Variants in MRPS18B observed in about 807,000 individuals in gnomAD.
MRPS18B encodes small ribosomal subunit protein mS40.
Under a neutral mutation model 28.4 loss-of-function variants are expected in MRPS18B, and 27 were observed. The observed-to-expected ratio is 0.95, with a 90% CI of 0.70 to 1.31. The LOEUF (loss-of-function observed/expected upper bound fraction) is 1.31. MRPS18B is among the 40% of genes most tolerant of loss of function. MRPS18B has a pLI of 0.00. For synonymous variants in MRPS18B, 118 were observed against 123.7 expected, an observed-to-expected ratio of 0.95 and a Z score of 0.30; for missense variants, 343 against 335.9, an observed-to-expected ratio of 1.02 and a Z score of -0.17.
At chr6:30,624,847 T>C in intron 5 of MRPS18B, 36 bp from the exon 6 acceptor site, 1 of 1,608,728 alleles carries the variant, frequency 6.2e-7, no homozygotes, top group Non-Finnish European at 8.5e-7. Flanking sequence ...TATTATTTAC[T>C]GTGCCTTAAA....
At chr6:30,622,493 C>T (rs767518505) in intron 4 of MRPS18B, among the ~76,000 whole-genome samples, 2 of 128,102 alleles carry the variant, frequency 1.6e-5, no homozygotes, top group Admixed American at 9.8e-5. Flanking sequence ...ACCTGGGAGG[C>T]GGAGGTTGTG....
intron 5 of MRPS18B, 97 bp downstream of exon 5, chr6:30,622,995 T>TA: frequency 8.0e-7 from 1 of 1,243,376 alleles, no homozygotes; most frequent in Non-Finnish European, 1.2e-6. Context: ...GGCTCCTGCT[T>TA]ATAGCCTAAA....
intron 1 of MRPS18B, chr6:30,618,431 C>CTT (rs1191498881): frequency 2.8e-4 from 47 of 167,604 alleles, no homozygotes; most frequent in Non-Finnish European, 5.3e-4. Flanking sequence ...TCAATAAGGT[C>CTT]AGGATATATT....
At chr6:30,620,332 T>A (rs1318595554) in intron 4 of MRPS18B, among the ~76,000 whole-genome samples, 1 of 151,008 alleles carries the variant, frequency 6.6e-6, no homozygotes, top group Non-Finnish European at 1.5e-5. Flanking sequence ...AAAAATAAAA[T>A]AAAATAAAAA....
rs779798980 is a variant in MRPS18B at position 30,622,870 on chromosome 6, G to T, written c.393G>T (p.Thr131=). 1.2e-6 allele frequency: 2 copies of T among 1,612,986 alleles called. No homozygotes were observed. The highest frequency in any genetic ancestry group is 4.5e-5 in the East Asian group (2 of 44,884). The change falls in exon 5 of 7, where the codon ACG becomes ACT. Residue 131 remains threonine (T), a synonymous_variant. Transcript: ENST00000259873. ...TGGAGCAATTTGTCTGCGCCCACAC[G>T]GGTATCATCTTCTATGCTCCATACA... ...KLLEQFVCAH[T]GIIFYAPYTG...
intron 1 of MRPS18B, 143 bp downstream of exon 1, chr6:30,618,086 C>CA (rs1760845377): frequency 1.3e-6 from 1 of 793,888 alleles, no homozygotes; most frequent in Non-Finnish European, 2.0e-6. Context: ...AACCCCCCCC[C>CA]CACACCCCGC....
chr6:30,618,378 T>A (rs1465714242), intron 1 of MRPS18B, among the ~76,000 whole-genome samples: 1 of 152,212 alleles, frequency 6.6e-6, no homozygotes, highest in African/African-American at 2.4e-5. Context: ...GGAATGTCCT[T>A]GGGGAAATTA....
Position 30,617,860 on chromosome 6 carries a change from G to C in MRPS18B, c.-6G>C. 1 of 1,614,192 alleles carries C rather than the reference G, an allele frequency of 6.2e-7. No individual in the cohort carries two copies. The highest frequency in any genetic ancestry group is 2.2e-5 in the East Asian group (1 of 44,892). On this transcript the variant is annotated 5_prime_UTR_variant, in exon 1 of 7. Transcript: ENST00000259873. ...CCGTCAATTCCTGTCCTGGGCGTAC[G>C]TCAAGATGGCGGCGTCTGTATTAAA...
Position 30,626,081 on chromosome 6 carries a change from A to T in MRPS18B, c.*284A>T. The T allele has an allele frequency of 2.7e-6, 1 of 376,144 alleles. No homozygotes were observed. The highest frequency in any genetic ancestry group is 4.7e-6 in the Non-Finnish European group (1 of 211,304). 23.3% of individuals were successfully genotyped at this position (376,144 alleles called of 1,614,324 possible). On this transcript the variant is annotated 3_prime_UTR_variant, in exon 7 of 7. Transcript: ENST00000259873. ...ACCCCTGCACTCCAGCCTGGGTGAC[A>T]GCTAGACCCTGTCTCAAAAAAAAAA...
chr6:30,618,065 G>T, intron 1 of MRPS18B, 122 bp downstream of exon 1: 4 of 965,590 alleles, frequency 4.1e-6, no homozygotes, highest in Non-Finnish European at 4.7e-6. Context: ...TGTCTAGGCA[G>T]TACTTCCTGC....
rs143491465 is a variant in MRPS18B at position 30,620,253 on chromosome 6, C to A, written c.354+264C>A. The A allele has an allele frequency of 7.2e-3, 3,074 of 427,324 alleles. 80 individuals carry two copies. Among genetic ancestry groups the A allele is most frequent in the African/African-American group, 0.053 (2,680 of 50,238 alleles). 26.5% of individuals were successfully genotyped at this position (427,324 alleles called of 1,614,324 possible). A position where few individuals can be genotyped will look rare whatever the true frequency, so the allele number is the denominator to read the frequency against. On this transcript the variant is annotated intron_variant, in intron 4 of 6. Coordinates refer to ENST00000259873, the MANE Select transcript of MRPS18B (RefSeq NM_014046.4). Reference sequence around the variant, plus strand: ...AATGGCGTGAACCCGGGAGGCAGAGCTTGCGGTGAGCTGAGATCGCATCAC... The same window carrying A: ...AATGGCGTGAACCCGGGAGGCAGAGATTGCGGTGAGCTGAGATCGCATCAC...
chr6:30,622,807 G>A (rs559935500), intron 4 of MRPS18B, 25 bp from the exon 5 acceptor site: 56 of 1,611,210 alleles, frequency 3.5e-5, no homozygotes, highest in Non-Finnish European at 3.8e-5. Context: ...TTTTCCTCAC[G>A]TTTCTCTACC....
rs141825398 is a variant in MRPS18B, at chr6:30,624,322, C to T, written c.422-561C>T. 7.4e-3 allele frequency among the ~76,000 whole-genome samples: 1,128 copies of T among 152,042 alleles called. 13 individuals are homozygous for T. The highest frequency in any genetic ancestry group is 0.037 in the Middle Eastern group (11 of 294). ...TTTTGGCCAGTCTGGTCTTGAACTC[C>T]TGACCTCAAGTGATCCTCCCACCTA... On this transcript the variant is annotated intron_variant, in intron 5 of 6. Transcript: ENST00000259873.
intron 5 of MRPS18B, among the ~76,000 whole-genome samples, chr6:30,623,708 G>C (rs1761310200): frequency 6.6e-6 from 1 of 152,068 alleles, no homozygotes; most frequent in Admixed American, 6.6e-5. Context: ...TTTACTATAT[G>C]ACTCTAGACA....
intron 1 of MRPS18B, 118 bp downstream of exon 1, chr6:30,618,061 G>C: frequency 9.3e-7 from 1 of 1,076,378 alleles, no homozygotes; most frequent in Non-Finnish European, 1.4e-6. Flanking sequence ...TAGCTGTCTA[G>C]GCAGTACTTC....
rs1434898484 is a variant in MRPS18B, at chr6:30,619,801, T to G, written c.280T>G (p.Cys94Gly). ...GVPPQRTRKT[C>G]IRRNKVVGNP... ...ACCCCCACAGCGGACTCGGAAGACA[T>G]GTATTGTGAGTTTCTGAGAGTGGGA... The change falls in exon 3 of 7, where the codon TGT (cysteine) becomes GGT (glycine). Residue 94 changes from cysteine to glycine, a missense_variant. Transcript: ENST00000259873. 6.2e-7 allele frequency: 1 copy of G among 1,613,952 alleles called. No homozygotes were observed. Among genetic ancestry groups the G allele is most frequent in the Non-Finnish European group, 8.5e-7 (1 of 1,179,938 alleles).
intron 5 of MRPS18B, 52 bp from the exon 6 acceptor site, chr6:30,624,831 G>C: frequency 6.3e-7 from 1 of 1,586,726 alleles, no homozygotes; most frequent in Non-Finnish European, 8.6e-7. Flanking sequence ...GGAAGCAGTT[G>C]TGTTCTATTA....
intron 4 of MRPS18B, among the ~76,000 whole-genome samples, chr6:30,620,525 C>T (rs1251713960): frequency 6.6e-6 from 1 of 151,848 alleles, no homozygotes; most frequent in Non-Finnish European, 1.5e-5. Flanking sequence ...AAAGTTTTAT[C>T]CTATGCCTAT....
At position 30,617,898 on chromosome 6, in the gene MRPS18B, G is replaced by A. The variant is rs778830754; in HGVS notation, c.33G>A (p.Arg11=). 5.6e-6 allele frequency: 9 copies of A among 1,614,070 alleles called. No individual in the cohort carries two copies. The highest frequency in any genetic ancestry group is 7.6e-6 in the Non-Finnish European group (9 of 1,180,038). ...CGTCTGTATTAAACACCGTGCTGAG[G>A]CGGCTTCCTATGCTATCTCTCTTCC... The part of the protein sequence containing the change: MAASVLNTVL[R]RLPMLSLFRG... The change falls in exon 1 of 7, where the codon AGG becomes AGA. Residue 11 remains arginine, a synonymous_variant. Coordinates refer to ENST00000259873, the MANE Select transcript of MRPS18B (RefSeq NM_014046.4).
Sources: allele counts gnomAD v4.1 joint callset (sites outside exome capture counted in the v4.1 genomes callset), GRCh38; gene constraint gnomAD v4.1.1; transcripts MANE v1.5; gene names NCBI Gene and HGNC (gene_info 2026-07-23, HGNC 2026-07-21).